Variants in NEBL observed in about 807,000 individuals in gnomAD.
NEBL encodes nebulette, also known as LIM and SH3 protein 2.
In NEBL, 122 loss-of-function variants were observed where a neutral mutation model predicts 140.2. That is an observed-to-expected ratio of 0.87 (90% CI 0.75 to 1.01). The LOEUF (loss-of-function observed/expected upper bound fraction) is 1.01, where lower values mean the gene tolerates loss of function less well. NEBL is among the 50% of genes least tolerant of loss of function. The probability of loss-of-function intolerance (pLI) is 0.00; values close to 1 mark genes in which losing one functional copy is unlikely to be tolerated. For missense variants in NEBL, 1,365 were observed against 1,231.3 expected (o/e 1.11, Z -1.62); for synonymous variants, 436 against 398.9 (o/e 1.09, Z -1.11).
rs982634887 is a variant in NEBL, at chr10:20,845,332, C to T, written c.1153G>A (p.Gly385Arg). Residue 385 changes from glycine (G) to arginine (R), a missense_variant, in exon 12 of 28, where the codon GGA becomes AGA. Gly to Arg is a moderately radical substitution (Grantham distance 125). Transcript: ENST00000377122. ...YKEDFEKEIK[G>R]RSSLDLDKTP... ...TTGTCTAAATCCAGTGATGACCTTC[C>T]TTTAATCTCCTTCTCAAAATCCTCT... The T allele has an allele frequency of 1.1e-5, 18 of 1,604,002 alleles. No homozygotes were observed. The highest frequency in any genetic ancestry group is 1.5e-5 in the Non-Finnish European group (18 of 1,171,278).
At chr10:21,233,603 T>G (rs987782288) in intron 3 of NEBL, among the ~76,000 whole-genome samples, 1 of 146,092 alleles carries the variant, frequency 6.8e-6, no homozygotes, top group African/African-American at 2.5e-5. Flanking sequence ...TATGTATCTA[T>G]ATATACATAT....
At chr10:20,992,142 C>T (rs1400726122) in intron 3 of NEBL, among the ~76,000 whole-genome samples, 1 of 152,148 alleles carries the variant, frequency 6.6e-6, no homozygotes, top group Non-Finnish European at 1.5e-5. Context: ...AAATAAATTA[C>T]ATTTTCACTT....
At chr10:21,157,144 T>C (rs935216676) in intron 2 of NEBL, among the ~76,000 whole-genome samples, 12 of 152,130 alleles carry the variant, frequency 7.9e-5, no homozygotes, top group Non-Finnish European at 1.5e-4. Context: ...CACAAAGATA[T>C]GCATGTCAAA....
At chr10:21,104,885 TGAA>T (rs925487716) in intron 2 of NEBL, among the ~76,000 whole-genome samples, 36 of 152,226 alleles carry the variant, frequency 2.4e-4, no homozygotes, top group African/African-American at 7.7e-4. Context: ...GATATCAGGA[TGAA>T]GAAGTTTCCA....
At chr10:21,232,777 G>C (rs1272840463) in intron 3 of NEBL, among the ~76,000 whole-genome samples, 4 of 152,210 alleles carry the variant, frequency 2.6e-5, no homozygotes, top group African/African-American at 9.6e-5. Flanking sequence ...TTGAGCAAAA[G>C]AGTGACATGG....
intron 2 of NEBL, among the ~76,000 whole-genome samples, chr10:21,042,654 C>T (rs1306955498): frequency 6.6e-6 from 1 of 152,088 alleles, no homozygotes; most frequent in Non-Finnish European, 1.5e-5. Context: ...TGAAATTTAC[C>T]ATGGTGGGAG....
chr10:21,290,386 C>T (rs971591864), intron 1 of NEBL, among the ~76,000 whole-genome samples: 1 of 152,198 alleles, frequency 6.6e-6, no homozygotes, highest in Non-Finnish European at 1.5e-5. Flanking sequence ...CTAACCTTCT[C>T]TTGTTTCTTT....
intron 26 of NEBL, among the ~76,000 whole-genome samples, chr10:20,792,803 CAA>C (rs879926102): frequency 3.8e-5 from 4 of 105,032 alleles, no homozygotes; most frequent in Middle Eastern, 5.5e-3. Flanking sequence ...AATTCTGTCT[CAA>C]AAAAAAAAAA....
intron 4 of NEBL, among the ~76,000 whole-genome samples, chr10:20,958,702 T>C (rs1436575887): frequency 2.0e-5 from 3 of 152,236 alleles, no homozygotes; most frequent in African/African-American, 4.8e-5. Flanking sequence ...TCTGAAATAC[T>C]GCCTCTTTTC....
At chr10:20,879,156 T>G (rs146394826) in intron 5 of NEBL, among the ~76,000 whole-genome samples, 100 of 152,338 alleles carry the variant, frequency 6.6e-4, no homozygotes, top group African/African-American at 2.3e-3. Flanking sequence ...ATTTAAAACC[T>G]TGACTAATTG....
intron 1 of NEBL, among the ~76,000 whole-genome samples, chr10:21,284,263 C>CA (rs11413855): frequency 0.68 from 97,837 of 142,878 alleles, 34,267 homozygotes; most frequent in East Asian, 0.97. Flanking sequence ...AGACAGAATT[C>CA]AGTCTGATGA....
intron 11 of NEBL, among the ~76,000 whole-genome samples, chr10:20,848,617 T>C (rs989472654): frequency 2.7e-5 from 4 of 148,032 alleles, no homozygotes; most frequent in Non-Finnish European, 5.9e-5. Context: ...ACAAACCCTA[T>C]TATGAACTGT....
intron 2 of NEBL, among the ~76,000 whole-genome samples, chr10:21,094,950 C>T (rs1441219498): frequency 6.6e-6 from 1 of 152,184 alleles, no homozygotes; most frequent in African/African-American, 2.4e-5. Flanking sequence ...AGAAAACGCT[C>T]CCTATAATTA....
At chr10:20,806,006 C>T (rs942569393) in intron 26 of NEBL, among the ~76,000 whole-genome samples, 6 of 152,162 alleles carry the variant, frequency 3.9e-5, no homozygotes, top group Non-Finnish European at 8.8e-5. Flanking sequence ...CCATGTGTTA[C>T]TCAAATTCTA....
chr10:20,891,229 TA>T (rs1042476171), intron 2 of NEBL, among the ~76,000 whole-genome samples: 3 of 152,330 alleles, frequency 2.0e-5, no homozygotes, highest in Admixed American at 2.0e-4. Context: ...CCTACCACAT[TA>T]AACATTTGCT....
At chr10:21,039,398 T>C (rs1404175239) in intron 2 of NEBL, among the ~76,000 whole-genome samples, 1 of 152,182 alleles carries the variant, frequency 6.6e-6, no homozygotes. Flanking sequence ...GAGTTAATAT[T>C]TGTATAAGGT....
At chr10:20,998,729 T>A (rs1293903465) in intron 3 of NEBL, among the ~76,000 whole-genome samples, 1 of 152,178 alleles carries the variant, frequency 6.6e-6, no homozygotes, top group African/African-American at 2.4e-5. Flanking sequence ...AAAATCCAAC[T>A]GGCATTGCTT....
chr10:20,840,870 A>C, intron 12 of NEBL, 21 bp from the exon 13 acceptor site: 1 of 1,367,876 alleles, frequency 7.3e-7, no homozygotes, highest in Non-Finnish European at 1.0e-6. Context: ...AGAATATCAC[A>C]GTTCAAAACT....
chr10:21,148,392 G>A (rs568816468), intron 2 of NEBL, among the ~76,000 whole-genome samples: 1 of 152,196 alleles, frequency 6.6e-6, no homozygotes, highest in Non-Finnish European at 1.5e-5. Context: ...AGCAGCTTTG[G>A]AATAGCATCA....
Sources: allele counts gnomAD v4.1 joint callset (sites outside exome capture counted in the v4.1 genomes callset), GRCh38; gene constraint gnomAD v4.1.1; transcripts MANE v1.5; gene names NCBI Gene and HGNC (gene_info 2026-07-23, HGNC 2026-07-21).